Variants in LRRC17 observed in about 807,000 individuals in gnomAD.
LRRC17 encodes the protein leucine rich repeat containing 17.
LRRC17 carries 33 observed loss-of-function variants against 41.5 expected under a neutral mutation model. The ratio of observed to expected loss-of-function variants is 0.80; its 90% confidence interval spans 0.60 to 1.06. The LOEUF (loss-of-function observed/expected upper bound fraction) is 1.06, where lower values mean the gene tolerates loss of function less well. Ranked by LOEUF, LRRC17 falls within the 50% of genes least tolerant of loss-of-function variation. LRRC17 has a pLI of 0.00. For missense variants in LRRC17, 491 were observed against 519.3 expected (o/e 0.95, Z 0.53); for synonymous variants, 192 against 197.0 (o/e 0.97, Z 0.21).
At chr7:102,924,923 C>A (rs970663869) in intron 1 of LRRC17, among the ~76,000 whole-genome samples, 5 of 152,184 alleles carry the variant, frequency 3.3e-5, no homozygotes, top group South Asian at 2.1e-4. Context: ...GCCACCGTGC[C>A]CGGCCTGTGT....
intron 1 of LRRC17, among the ~76,000 whole-genome samples, chr7:102,913,514 G>C (rs1010546784): frequency 6.6e-6 from 1 of 152,178 alleles, no homozygotes; most frequent in Admixed American, 6.5e-5. Flanking sequence ...TGGTGTGTGT[G>C]AGGTGGGGGA....
At chr7:102,942,035 T>C (rs144934486) in intron 3 of LRRC17, among the ~76,000 whole-genome samples, 1 of 152,308 alleles carries the variant, frequency 6.6e-6, no homozygotes, top group Non-Finnish European at 1.5e-5. Context: ...GAAGGCCTTT[T>C]AATCTTGTTC....
chr7:102,937,503 T>C (rs1211442760), intron 2 of LRRC17, among the ~76,000 whole-genome samples: 1 of 29,202 alleles, frequency 3.4e-5, no homozygotes, highest in Non-Finnish European at 7.9e-5. Flanking sequence ...CAAGACTCTG[T>C]CTCAAAAAAA....
intron 1 of LRRC17, among the ~76,000 whole-genome samples, chr7:102,920,769 C>T (rs1318629674): frequency 6.6e-6 from 1 of 152,050 alleles, no homozygotes; most frequent in African/African-American, 2.4e-5. Context: ...CCTAAAATCC[C>T]GCATCACAAA....
intron 1 of LRRC17, among the ~76,000 whole-genome samples, chr7:102,920,207 C>T (rs1816710915): frequency 6.6e-6 from 1 of 152,094 alleles, no homozygotes; most frequent in African/African-American, 2.4e-5. Context: ...ATGCCAATAG[C>T]CACTAATTAG....
chr7:102,918,773 CAA>C (rs1190762784), intron 1 of LRRC17, among the ~76,000 whole-genome samples: 1 of 151,906 alleles, frequency 6.6e-6, no homozygotes, highest in Non-Finnish European at 1.5e-5. Context: ...ATAAACAAAA[CAA>C]AACAAAAAAA....
chr7:102,914,412 C>T (rs2129469269), intron 1 of LRRC17, among the ~76,000 whole-genome samples: 1 of 152,344 alleles, frequency 6.6e-6, no homozygotes, highest in Non-Finnish European at 1.5e-5. Context: ...CCACTACTAT[C>T]TGCTCTTCTA....
At chr7:102,915,506 C>A (rs932759241) in intron 1 of LRRC17, among the ~76,000 whole-genome samples, 1 of 152,066 alleles carries the variant, frequency 6.6e-6, no homozygotes, top group Non-Finnish European at 1.5e-5. Context: ...TCGATCTACA[C>A]CTAGTATTCA....
At chr7:102,931,238 G>A (rs1819117339) in intron 1 of LRRC17, among the ~76,000 whole-genome samples, 1 of 152,230 alleles carries the variant, frequency 6.6e-6, no homozygotes, top group Admixed American at 6.5e-5. Flanking sequence ...TGTAGGCACT[G>A]CAAATTAGTG....
intron 3 of LRRC17, among the ~76,000 whole-genome samples, chr7:102,943,274 T>C (rs913698979): frequency 2.0e-5 from 3 of 151,960 alleles, no homozygotes; most frequent in African/African-American, 7.3e-5. Context: ...TTGTCTTACA[T>C]GCGAAATATT....
At chr7:102,936,293 G>A (rs1184657351) in intron 2 of LRRC17, 1 of 152,228 alleles carries the variant, frequency 6.6e-6, no homozygotes, top group African/African-American at 2.4e-5. Flanking sequence ...GGCTCAAAGA[G>A]GTTCAGTCAC....
chr7:102,942,384 A>T, intron 3 of LRRC17: 1 of 1,469,468 alleles, frequency 6.8e-7, no homozygotes, highest in Middle Eastern at 1.8e-4. Flanking sequence ...ACTTTAAAAG[A>T]CGTGAATAAC....
chr7:102,934,856 A>C (rs181723074), intron 2 of LRRC17, among the ~76,000 whole-genome samples, 171 bp downstream of exon 2: 177 of 152,310 alleles, frequency 1.2e-3, no homozygotes, highest in African/African-American at 4.0e-3. Context: ...GTCCAGACTC[A>C]AGGCAGTTGG....
At chr7:102,918,083 G>A (rs975771241) in intron 1 of LRRC17, among the ~76,000 whole-genome samples, 2 of 152,150 alleles carry the variant, frequency 1.3e-5, no homozygotes, top group Non-Finnish European at 2.9e-5. Context: ...TAAAAGCAAT[G>A]AAGAGAGAAT....
intron 1 of LRRC17, among the ~76,000 whole-genome samples, chr7:102,918,389 A>G (rs1164221871): frequency 6.6e-6 from 1 of 152,250 alleles, no homozygotes; most frequent in Non-Finnish European, 1.5e-5. Context: ...CTTCATTTGT[A>G]AAATAAATGT....
intron 1 of LRRC17, among the ~76,000 whole-genome samples, chr7:102,918,735 G>C (rs931243822): frequency 6.6e-6 from 1 of 152,154 alleles, no homozygotes; most frequent in African/African-American, 2.4e-5. Flanking sequence ...GCTGGGTGTA[G>C]CCTGGGTGAA....
At chr7:102,922,115 G>A (rs117570095) in intron 1 of LRRC17, among the ~76,000 whole-genome samples, 3,786 of 151,752 alleles carry the variant, frequency 0.025, 166 homozygotes, top group East Asian at 0.16. Context: ...GCTTGAGCCC[G>A]CGAGGCGGAG....
At chr7:102,938,199 T>C (rs1482874715) in intron 2 of LRRC17, among the ~76,000 whole-genome samples, 1 of 152,208 alleles carries the variant, frequency 6.6e-6, no homozygotes, top group Non-Finnish European at 1.5e-5. Context: ...TTAAACTGCT[T>C]TAGCTTCACA....
At chr7:102,914,377 G>C (rs991525407) in intron 1 of LRRC17, among the ~76,000 whole-genome samples, 1 of 152,210 alleles carries the variant, frequency 6.6e-6, no homozygotes, top group Admixed American at 6.5e-5. Flanking sequence ...AGAAAGCCTG[G>C]CACTTTTTAA....
Sources: allele counts gnomAD v4.1 joint callset (sites outside exome capture counted in the v4.1 genomes callset), GRCh38; gene constraint gnomAD v4.1.1; transcripts MANE v1.5; gene names NCBI Gene and HGNC (gene_info 2026-07-23, HGNC 2026-07-21).